Variants in CEP350 observed in about 807,000 individuals in gnomAD.
CEP350 encodes centrosomal protein 350.
CEP350 carries 126 observed loss-of-function variants against 331.8 expected under a neutral mutation model. The observed-to-expected ratio is 0.38, with a 90% CI of 0.33 to 0.44. The LOEUF is 0.44. CEP350 is among the 20% of genes least tolerant of loss of function. CEP350 has a pLI of 1.00. For missense variants in CEP350, 3,406 were observed against 3,634.6 expected, an observed-to-expected ratio of 0.94 and a Z score of 1.62; for synonymous variants, 1,200 against 1,259.5, an observed-to-expected ratio of 0.95 and a Z score of 1.00.
chr1:180,037,621 G>A (rs1656454176), intron 17 of CEP350, among the ~76,000 whole-genome samples: 1 of 151,984 alleles, frequency 6.6e-6, no homozygotes. Context: ...AAAATACACA[G>A]ATTTTAAGTG....
At chr1:179,999,591 CA>C (rs1653723715) in intron 6 of CEP350, among the ~76,000 whole-genome samples, 1 of 152,044 alleles carries the variant, frequency 6.6e-6, no homozygotes, top group South Asian at 2.1e-4. Flanking sequence ...TGTTTAAAGA[CA>C]TAATAAATTC....
At chr1:180,008,076 G>T (rs1654381647) in intron 8 of CEP350, among the ~76,000 whole-genome samples, 1 of 151,898 alleles carries the variant, frequency 6.6e-6, no homozygotes, top group Non-Finnish European at 1.5e-5. Flanking sequence ...TTTATGTTGT[G>T]AACTTTTCTA....
intron 25 of CEP350, among the ~76,000 whole-genome samples, chr1:180,055,081 GATA>G: frequency 6.6e-6 from 1 of 151,458 alleles, no homozygotes; most frequent in East Asian, 1.9e-4. Flanking sequence ...GTAAACTGAA[GATA>G]ATAATAGTAA....
intron 27 of CEP350, among the ~76,000 whole-genome samples, chr1:180,069,646 T>C (rs935815737): frequency 6.6e-6 from 1 of 152,198 alleles, no homozygotes; most frequent in African/African-American, 2.4e-5. Flanking sequence ...TAATTTTAAG[T>C]AATAGAATAG....
At chr1:180,088,532 A>G (rs1187053644) in intron 32 of CEP350, among the ~76,000 whole-genome samples, 1 of 152,036 alleles carries the variant, frequency 6.6e-6, no homozygotes, top group Non-Finnish European at 1.5e-5. Flanking sequence ...CCTTGTACTC[A>G]TTTATTCTTA....
At chr1:180,075,721 G>T (rs973571548) in intron 28 of CEP350, among the ~76,000 whole-genome samples, 2 of 152,008 alleles carry the variant, frequency 1.3e-5, no homozygotes, top group African/African-American at 4.8e-5. Flanking sequence ...TTGGGAGTCC[G>T]AGGCAGGTGG....
Position 180,044,069 on chromosome 1 carries a change from ACT to A in CEP350, c.4524_4525del (p.Gln1509GlufsTer2). 1 of 1,545,090 alleles carries A rather than the reference ACT, an allele frequency of 6.5e-7. No homozygotes were observed. The highest frequency in any genetic ancestry group is 8.7e-7 in the Non-Finnish European group (1 of 1,145,942). ...TTTGTAGGAAAAGTCCATCTGTTTC[ACT>A]CTCTCAGAGTAAAGAAGGGACCCTT... Reference protein sequence around the residue: ...ETDRKSPSVSLSQSKEGTLDS... With the variant: ...ETDRKSPSVSXSQSKEGTLDS... On this transcript the variant is annotated frameshift_variant, in exon 21 of 38. Transcript: ENST00000367607. LOFTEE classifies it high-confidence loss of function.
intron 6 of CEP350, among the ~76,000 whole-genome samples, chr1:180,001,075 T>C (rs757614304): frequency 9.9e-5 from 15 of 152,200 alleles, no homozygotes; most frequent in South Asian, 4.1e-4. Flanking sequence ...ACCAGTTTTT[T>C]ACTCCAGCCT....
chr1:180,093,768 G>A lies in CEP350; in HGVS notation c.7663G>A (p.Gly2555Ser). Reference protein sequence around the residue: ...IAYFECKEKHGIFAPPQKISH... With the variant: ...IAYFECKEKHSIFAPPQKISH... The stretch of plus-strand genomic sequence containing the variant: ...ATATTTTGAGTGCAAAGAAAAGCAT[G>A]GTATTTTTGCTCCTCCTCAAAAAAT... The change falls in exon 34 of 38, where the codon GGT becomes AGT. Residue 2555 changes from glycine (G) to serine (S), a missense_variant. Around this residue, in one of 5 missense-constraint regions of CEP350, gnomAD observed 1,415 missense variants for 1,512.3 expected, o/e 0.94. Transcript: ENST00000367607. 6.2e-7 allele frequency: 1 copy of A among 1,613,666 alleles called. No homozygotes were observed. The highest frequency in any genetic ancestry group is 8.5e-7 in the Non-Finnish European group (1 of 1,179,696).
At chr1:179,965,615 CTTTTTTT>C (rs747027286) in intron 1 of CEP350, among the ~76,000 whole-genome samples, 2 of 84,420 alleles carry the variant, frequency 2.4e-5, no homozygotes, top group South Asian at 4.2e-4. Flanking sequence ...TTTTTCTTTT[CTTTTTTT>C]TTTTTTTTTT....
chr1:180,067,485 T>A (rs914413991), intron 27 of CEP350, among the ~76,000 whole-genome samples: 2 of 152,146 alleles, frequency 1.3e-5, no homozygotes, highest in Non-Finnish European at 2.9e-5. Context: ...GGTCAGGAGT[T>A]CGAGACCAAC....
rs760689033 is a variant in CEP350 at position 180,041,789 on chromosome 1, G to A, written c.4349G>A (p.Arg1450His). 13 of 1,611,838 alleles carry A rather than the reference G, an allele frequency of 8.1e-6. No homozygotes were observed. The highest frequency in any genetic ancestry group is 2.7e-5 in the African/African-American group (2 of 74,896). ...ETARLTTDAA[R>H]QICEMAELTR... ...GCTCGCCTCACCACAGACGCAGCAC[G>A]TCAAATCTGTGAGGTAGGTGCCACT... Residue 1450 changes from arginine to histidine, a missense_variant, in exon 19 of 38, where the codon CGT becomes CAT. Arg to His is a conservative substitution (Grantham distance 29). Around this residue, in one of 5 missense-constraint regions of CEP350, gnomAD observed 1,857 missense variants for 1,909.2 expected, o/e 0.97. Coordinates refer to ENST00000367607, the MANE Select transcript of CEP350 (RefSeq NM_014810.5).
At chr1:180,053,192 T>A in intron 23 of CEP350, 26 bp downstream of exon 23, 2 of 1,378,666 alleles carry the variant, frequency 1.5e-6, no homozygotes, top group Non-Finnish European at 2.0e-6. Context: ...TCTGTGGAGG[T>A]AAATGGTTGT....
intron 22 of CEP350, 88 bp from the exon 23 acceptor site, chr1:180,052,882 T>G: frequency 1.9e-6 from 1 of 521,918 alleles, no homozygotes; most frequent in South Asian, 3.7e-5. Context: ...TATGTTGGAT[T>G]GTCCCATAAA....
chr1:180,053,628 C>G, intron 23 of CEP350, 122 bp from the exon 24 acceptor site: 1 of 548,576 alleles, frequency 1.8e-6, no homozygotes, highest in Non-Finnish European at 3.2e-6. Flanking sequence ...AGAATATACT[C>G]TTACATTGTT....
Position 180,093,402 on chromosome 1 carries a change from G to A in CEP350, c.7297G>A (p.Glu2433Lys). 1.3e-6 allele frequency: 2 copies of A among 1,598,774 alleles called. No individual in the cohort carries two copies. The highest frequency in any genetic ancestry group is 1.7e-6 in the Non-Finnish European group (2 of 1,172,266). ...TSGATSFGSN[E>K]EISECLSEKS... is the part of the protein sequence containing the mutation. ...TGGAGCCACTAGCTTTGGTAGTAATGAGGAAATCAGTGAGTGCCTAAGTGA... is the reference window on the plus strand; with the variant it reads ...TGGAGCCACTAGCTTTGGTAGTAATAAGGAAATCAGTGAGTGCCTAAGTGA... The change falls in exon 34 of 38, where the codon GAG (glutamate) becomes AAG (lysine). Residue 2433 changes from glutamate to lysine, a missense_variant. This residue lies in a region of CEP350 where 1,415 missense variants were observed against 1,512.3 expected (regional missense o/e 0.94). Transcript: ENST00000367607.
intron 16 of CEP350, among the ~76,000 whole-genome samples, chr1:180,034,304 A>G (rs1028266401): frequency 2.6e-5 from 4 of 152,138 alleles, no homozygotes; most frequent in Non-Finnish European, 4.4e-5. Context: ...ATTAGTCAAA[A>G]CATATCTGAA....
At position 180,112,581 on chromosome 1, in the gene CEP350, A is replaced by C. The variant is rs923978039; in HGVS notation, c.*1420A>C. 1 of 152,566 alleles carries C rather than the reference A, an allele frequency of 6.6e-6. No homozygotes were observed. Among genetic ancestry groups the C allele is most frequent in the African/African-American group, 2.4e-5 (1 of 41,408 alleles). 9.5% of individuals were successfully genotyped at this position (152,566 alleles called of 1,614,324 possible). On this transcript the variant is annotated 3_prime_UTR_variant, in exon 38 of 38. Transcript: ENST00000367607. ...CGTTCATCAGTCCTGTCCCTCTTCAAGTAATCTAGAAGAATGTGGATACTC... is the reference window on the plus strand; with the variant it reads ...CGTTCATCAGTCCTGTCCCTCTTCACGTAATCTAGAAGAATGTGGATACTC...
intron 28 of CEP350, 138 bp downstream of exon 28, chr1:180,075,359 A>G (rs776935054): frequency 2.9e-5 from 25 of 866,896 alleles, no homozygotes; most frequent in Admixed American, 9.1e-5. Flanking sequence ...GGCCAAGGCC[A>G]GAGGATCGCC....
Sources: gnomAD v4.1 joint callset for allele counts (sites outside exome capture counted in the v4.1 genomes callset) on GRCh38, gnomAD v4.1.1 for gene constraint, gnomAD v4.1.1 regional missense constraint, MANE v1.5 for transcripts, NCBI Gene and HGNC (gene_info 2026-07-23, HGNC 2026-07-21) for gene names.